Variants in TMEM117 observed in about 807,000 individuals in gnomAD.
TMEM117 encodes transmembrane protein 117.
In TMEM117, 27 loss-of-function variants were observed where a neutral mutation model predicts 52.4. That is an observed-to-expected ratio of 0.51 (90% confidence interval 0.38 to 0.71). The LOEUF (loss-of-function observed/expected upper bound fraction) is 0.71, where lower values mean the gene tolerates loss of function less well. Ranked by LOEUF, TMEM117 falls within the 30% of genes least tolerant of loss-of-function variation. The pLI, the probability that TMEM117 is intolerant of heterozygous loss-of-function variation, is 0.00. For missense variants in TMEM117, 556 were observed against 630.5 expected, an observed-to-expected ratio of 0.88 and a Z score of 1.26; for synonymous variants, 215 against 206.3, an observed-to-expected ratio of 1.04 and a Z score of -0.36.
chr12:43,796,418 C>T, the TMEM117 span, among the ~76,000 whole-genome samples: 1 of 152,008 alleles, frequency 6.6e-6, no homozygotes, highest in African/African-American at 2.4e-5. Context: ...ATATCTTTCC[C>T]CATGCCTTAT....
chr12:43,800,560 A>T, the TMEM117 span: 1 of 1,534,994 alleles, frequency 6.5e-7, no homozygotes, highest in Non-Finnish European at 9.0e-7. Context: ...TACTTAGTTT[A>T]TAGATGAAAA....
chr12:44,220,528 A>G (rs1448525053), intron 5 of TMEM117, among the ~76,000 whole-genome samples: 1 of 152,204 alleles, frequency 6.6e-6, no homozygotes. Context: ...CTATGTTTGT[A>G]TATAGCTCAC....
chr12:44,296,638 C>T (rs764824520), intron 5 of TMEM117, among the ~76,000 whole-genome samples: 6 of 152,194 alleles, frequency 3.9e-5, no homozygotes, highest in African/African-American at 1.4e-4. Context: ...TACAGTGGGA[C>T]CAAAGTTGGT....
At chr12:44,123,245 T>G (rs553681836) in intron 3 of TMEM117, among the ~76,000 whole-genome samples, 3 of 119,890 alleles carry the variant, frequency 2.5e-5, no homozygotes, top group South Asian at 2.6e-4. Flanking sequence ...TTTAATGGGG[T>G]TTTTTTTTTC....
intron 3 of TMEM117, among the ~76,000 whole-genome samples, chr12:44,117,419 C>T (rs1225695185): frequency 6.6e-6 from 1 of 152,024 alleles, no homozygotes; most frequent in Non-Finnish European, 1.5e-5. Flanking sequence ...TATTGCAATG[C>T]CTTTCACTAT....
chr12:44,129,143 C>T (rs1304367312), intron 3 of TMEM117, among the ~76,000 whole-genome samples: 1 of 152,188 alleles, frequency 6.6e-6, no homozygotes, highest in African/African-American at 2.4e-5. Context: ...CTGGCCCAGA[C>T]CCTGCATGGG....
chr12:44,344,264 G>A (rs1046970644), intron 6 of TMEM117, among the ~76,000 whole-genome samples: 1 of 152,088 alleles, frequency 6.6e-6, no homozygotes, highest in African/African-American at 2.4e-5. Context: ...TAGAGGAGAA[G>A]CAACTAGGAG....
chr12:44,303,284 G>A (rs1950864766), intron 6 of TMEM117, among the ~76,000 whole-genome samples: 1 of 151,956 alleles, frequency 6.6e-6, no homozygotes, highest in African/African-American at 2.4e-5. Context: ...CCCAACCTCA[G>A]GTGATCCGCC....
chr12:44,107,980 C>T (rs903287523), intron 3 of TMEM117, among the ~76,000 whole-genome samples: 1 of 152,170 alleles, frequency 6.6e-6, no homozygotes, highest in East Asian at 1.9e-4. Context: ...CAAATAAACC[C>T]TTTGTATGTT....
intron 2 of TMEM117, among the ~76,000 whole-genome samples, chr12:43,883,062 T>C (rs1030596182): frequency 4.6e-5 from 7 of 152,222 alleles, no homozygotes; most frequent in Non-Finnish European, 7.3e-5. Flanking sequence ...CCCAAAAGTT[T>C]CCAATGGTGG....
intron 5 of TMEM117, among the ~76,000 whole-genome samples, chr12:44,258,296 C>T (rs1950282363): frequency 6.6e-6 from 1 of 152,036 alleles, no homozygotes; most frequent in South Asian, 2.1e-4. Context: ...TTCCTCTTAC[C>T]TCAGGTAATT....
chr12:44,209,780 A>G (rs1261104069), intron 4 of TMEM117, among the ~76,000 whole-genome samples: 1 of 152,126 alleles, frequency 6.6e-6, no homozygotes, highest in Non-Finnish European at 1.5e-5. Flanking sequence ...TTAAAATCAG[A>G]TCTTTCCTGA....
At chr12:44,072,215 CA>C (rs77689806) in intron 3 of TMEM117, among the ~76,000 whole-genome samples, 12,461 of 144,532 alleles carry the variant, frequency 0.086, 535 homozygotes, top group South Asian at 0.094. Context: ...AGAGAAACAA[CA>C]AAAAAAAAAA....
chr12:44,325,186 A>G (rs1951179458), intron 6 of TMEM117, among the ~76,000 whole-genome samples: 1 of 152,176 alleles, frequency 6.6e-6, no homozygotes, highest in African/African-American at 2.4e-5. Flanking sequence ...TTTTGTTTAG[A>G]TTTTTAGCAA....
At chr12:44,360,257 G>A (rs1305536125) in intron 6 of TMEM117, among the ~76,000 whole-genome samples, 1 of 152,030 alleles carries the variant, frequency 6.6e-6, no homozygotes, top group Non-Finnish European at 1.5e-5. Context: ...TTGTTACATG[G>A]TATCATGTAC....
At chr12:43,933,806 C>T (rs905466538) in intron 2 of TMEM117, among the ~76,000 whole-genome samples, 7 of 152,216 alleles carry the variant, frequency 4.6e-5, no homozygotes, top group Admixed American at 1.3e-4. Flanking sequence ...TGTGATCCGC[C>T]GGCTTCAGCC....
intron 3 of TMEM117, among the ~76,000 whole-genome samples, chr12:43,950,739 G>C (rs1489153522): frequency 6.6e-6 from 1 of 152,070 alleles, no homozygotes; most frequent in Non-Finnish European, 1.5e-5. Flanking sequence ...TTTCTCAAAA[G>C]AAATATTTTC....
At chr12:44,006,149 A>G (rs558682409) in intron 3 of TMEM117, among the ~76,000 whole-genome samples, 1 of 152,220 alleles carries the variant, frequency 6.6e-6, no homozygotes. Flanking sequence ...TCCAGTCCAC[A>G]TAATGAAAAT....
chr12:44,154,466 T>C (rs1235121504), intron 4 of TMEM117, among the ~76,000 whole-genome samples: 2 of 152,024 alleles, frequency 1.3e-5, no homozygotes, highest in Non-Finnish European at 2.9e-5. Flanking sequence ...TCTGTTTTCA[T>C]TGAAAGAACA....
Sources: allele counts gnomAD v4.1 joint callset (sites outside exome capture counted in the v4.1 genomes callset), GRCh38; gene constraint gnomAD v4.1.1; transcripts MANE v1.5; gene names NCBI Gene and HGNC (gene_info 2026-07-23, HGNC 2026-07-21).